The following NINL variants were observed in gnomAD, a reference collection of about 807,000 sequenced individuals.
NINL encodes the protein ninein-like protein.
In NINL, 153 loss-of-function variants were observed where a neutral mutation model predicts 160.3. The observed-to-expected ratio is 0.95, with a 90% confidence interval of 0.84 to 1.09. The LOEUF (loss-of-function observed/expected upper bound fraction) is 1.09. Among genes scored for constraint, NINL ranks in the 50% least tolerant of loss-of-function variants. NINL has a pLI of 0.00. For missense variants in NINL, 1,829 were observed against 1,764.0 expected (o/e 1.04, Z -0.66); for synonymous variants, 800 against 734.8 (o/e 1.09, Z -1.43).
chr20:25,458,137 A>G (rs1163986778), intron 22 of NINL, among the ~76,000 whole-genome samples: 1 of 151,906 alleles, frequency 6.6e-6, no homozygotes, highest in African/African-American at 2.4e-5. Flanking sequence ...CCCCTGCCAC[A>G]TGGCGCCACC....
At chr20:25,501,401 C>A (rs1261505052) in intron 7 of NINL, among the ~76,000 whole-genome samples, 1 of 152,220 alleles carries the variant, frequency 6.6e-6, no homozygotes, top group Non-Finnish European at 1.5e-5. Context: ...CCCATAGAGT[C>A]CATGCCAGCA....
At chr20:25,532,014 G>A (rs2064473404) in intron 1 of NINL, among the ~76,000 whole-genome samples, 1 of 152,168 alleles carries the variant, frequency 6.6e-6, no homozygotes, top group Non-Finnish European at 1.5e-5. Flanking sequence ...TCTCTAACTG[G>A]GGCCTGCAGA....
At chr20:25,477,662 G>A (rs111360114) in intron 16 of NINL, among the ~76,000 whole-genome samples, 2 of 152,196 alleles carry the variant, frequency 1.3e-5, no homozygotes, top group African/African-American at 2.4e-5. Flanking sequence ...GGAAGTGGTT[G>A]GAGGGCCTCC....
chr20:25,559,545 G>A (rs1333776412), intron 1 of NINL, among the ~76,000 whole-genome samples: 1 of 151,918 alleles, frequency 6.6e-6, no homozygotes, highest in Non-Finnish European at 1.5e-5. Flanking sequence ...AGCTGGGAGG[G>A]CCTTTTTCAT....
chr20:25,490,634 C>T (rs1443482872), intron 11 of NINL, among the ~76,000 whole-genome samples: 1 of 152,024 alleles, frequency 6.6e-6, no homozygotes, highest in Non-Finnish European at 1.5e-5. Context: ...AAAAGGCATC[C>T]TTCCAGAGCC....
chr20:25,578,981 A>G (rs1220128105), intron 1 of NINL, among the ~76,000 whole-genome samples: 1 of 151,814 alleles, frequency 6.6e-6, no homozygotes, highest in Non-Finnish European at 1.5e-5. Context: ...TCTCTAAAAC[A>G]TAAATAAATA....
At chr20:25,483,818 G>A (rs2063450137) in intron 13 of NINL, among the ~76,000 whole-genome samples, 2 of 152,278 alleles carry the variant, frequency 1.3e-5, no homozygotes, top group South Asian at 4.1e-4. Flanking sequence ...CCAGGGTCCT[G>A]CAGACCTTCA....
chr20:25,555,413 T>C (rs2064854560), intron 1 of NINL, among the ~76,000 whole-genome samples: 1 of 152,238 alleles, frequency 6.6e-6, no homozygotes, highest in Admixed American at 6.5e-5. Context: ...CCATGGATAA[T>C]GTTCCAGGTA....
At chr20:25,513,625 T>A (rs2146888423) in intron 3 of NINL, among the ~76,000 whole-genome samples, 1 of 152,336 alleles carries the variant, frequency 6.6e-6, no homozygotes, top group African/African-American at 2.4e-5. Flanking sequence ...TCATGTCAAA[T>A]TGTAACCCTC....
In NINL at chr20:25,457,142, G is replaced by A. The variant is rs527861262; in HGVS notation, c.3843+1241C>T. Among the ~76,000 whole-genome samples the A allele has an allele frequency of 3.6e-4, 55 of 152,016 alleles. No homozygotes were observed. The South Asian group carries it at 4.4e-3, about 12-fold the overall frequency. On this transcript the variant is annotated intron_variant, in intron 22 of 23. Transcript: ENST00000278886. ...AGATCAAGACCATCCTGGCCAACACGGTGAAACCCCATCTCTACTAAAATA... is the reference window on the plus strand; with the variant it reads ...AGATCAAGACCATCCTGGCCAACACAGTGAAACCCCATCTCTACTAAAATA...
chr20:25,481,217 T>C (rs2063381466), intron 14 of NINL, among the ~76,000 whole-genome samples: 1 of 152,174 alleles, frequency 6.6e-6, no homozygotes, highest in African/African-American at 2.4e-5. Context: ...GAGGTTGCCA[T>C]GACGGGGGAG....
chr20:25,477,175 G>T, intron 16 of NINL, 86 bp from the exon 17 acceptor site: 2 of 1,259,776 alleles, frequency 1.6e-6, no homozygotes, highest in South Asian at 1.5e-5. Context: ...TGTTGCAACG[G>T]CTGCGACCTC....
chr20:25,454,216 C>T (rs1208347147), intron 23 of NINL, among the ~76,000 whole-genome samples: 2 of 152,194 alleles, frequency 1.3e-5, no homozygotes, highest in African/African-American at 4.8e-5. Context: ...GGCCAGTCCT[C>T]AAAAGGCCCT....
chr20:25,475,957 T>C (rs2063221139), intron 17 of NINL, 86 bp downstream of exon 17: 1 of 1,389,672 alleles, frequency 7.2e-7, no homozygotes, highest in Admixed American at 2.0e-5. Flanking sequence ...AAGGGCCACA[T>C]AGCACCATTA....
chr20:25,467,252 TG>T, intron 19 of NINL, 136 bp downstream of exon 19: 1 of 770,606 alleles, frequency 1.3e-6, no homozygotes, highest in Non-Finnish European at 2.2e-6. Flanking sequence ...TGATGGGGCC[TG>T]GGGGCCAGTC....
At chr20:25,547,773 T>A (rs2064753430) in intron 1 of NINL, among the ~76,000 whole-genome samples, 1 of 152,172 alleles carries the variant, frequency 6.6e-6, no homozygotes, top group Non-Finnish European at 1.5e-5. Flanking sequence ...ACATCCGAAT[T>A]CTGGGGAACA....
At chr20:25,584,399 G>T (rs932110137) in intron 1 of NINL, among the ~76,000 whole-genome samples, 6 of 152,226 alleles carry the variant, frequency 3.9e-5, no homozygotes, top group Non-Finnish European at 7.3e-5. Flanking sequence ...GGCAGAGGTT[G>T]CAGTGAGCCG....
chr20:25,560,540 C>T (rs911364351), intron 1 of NINL, among the ~76,000 whole-genome samples: 1 of 152,156 alleles, frequency 6.6e-6, no homozygotes, highest in Non-Finnish European at 1.5e-5. Context: ...GCCCAGCAGC[C>T]CTGAGTGCTG....
intron 17 of NINL, 126 bp downstream of exon 17, chr20:25,475,917 C>CT (rs2063219929): frequency 3.1e-6 from 3 of 968,114 alleles, no homozygotes; most frequent in Non-Finnish European, 4.6e-6. Flanking sequence ...CTACACAGCC[C>CT]CCATCAGGGG....
Sources: allele counts gnomAD v4.1 joint callset (sites outside exome capture counted in the v4.1 genomes callset), GRCh38; gene constraint gnomAD v4.1.1; transcripts MANE v1.5; gene names NCBI Gene and HGNC (gene_info 2026-07-23, HGNC 2026-07-21).